Variants in ATP9A observed in about 807,000 individuals in gnomAD.
ATP9A encodes ATPase phospholipid transporting 9A.
ATP9A carries 52 observed loss-of-function variants against 144.1 expected under a neutral mutation model. The ratio of observed to expected loss-of-function variants is 0.36; its 90% CI spans 0.29 to 0.45. The LOEUF (loss-of-function observed/expected upper bound fraction) is 0.45. ATP9A is among the 20% of genes least tolerant of loss of function. The pLI, the probability that ATP9A is intolerant of heterozygous loss-of-function variation, is 1.00. For missense variants in ATP9A, 947 were observed against 1,392.7 expected (o/e 0.68, Z 5.09); for synonymous variants, 582 against 557.4 (o/e 1.04, Z -0.62).
At chr20:51,751,568 T>A (rs1440882161) in intron 1 of ATP9A, among the ~76,000 whole-genome samples, 3 of 151,630 alleles carry the variant, frequency 2.0e-5, no homozygotes, top group African/African-American at 7.3e-5. Context: ...GTTGCTCCTA[T>A]TCCTTTTTGT....
Position 51,601,137 on chromosome 20 carries a change from T to C in ATP9A, c.*74A>G. On this transcript the variant is annotated 3_prime_UTR_variant, in exon 28 of 28. Coordinates refer to ENST00000338821, the MANE Select transcript of ATP9A (RefSeq NM_006045.3). ...TACTGCAAAATCCACAGGTGGCGGTTAATATAAATGGAACTTGAGCTCTGT... is the reference window on the plus strand; with the variant it reads ...TACTGCAAAATCCACAGGTGGCGGTCAATATAAATGGAACTTGAGCTCTGT... 2 of 1,481,570 alleles carry C rather than the reference T, an allele frequency of 1.3e-6. No homozygotes were observed. Among genetic ancestry groups the C allele is most frequent in the South Asian group, 1.4e-5 (1 of 71,846 alleles). The allele number at this position is 1,481,570 out of a possible 1,614,324, so 91.8% of individuals were successfully genotyped here. A position where few individuals can be genotyped will look rare whatever the true frequency, so the allele number is the denominator to read the frequency against.
chr20:51,679,450 GGCACGT>G (rs1327517288), intron 9 of ATP9A, among the ~76,000 whole-genome samples: 10 of 152,126 alleles, frequency 6.6e-5, no homozygotes, highest in African/African-American at 2.4e-4. Context: ...CTCTTAGACA[GGCACGT>G]GCTCTGAGCT....
At chr20:51,663,032 T>C (rs6021358) in intron 13 of ATP9A, among the ~76,000 whole-genome samples, 37,046 of 151,964 alleles carry the variant, frequency 0.24, 4,869 homozygotes, top group Non-Finnish European at 0.28. Context: ...ATCACACCAC[T>C]GCACTCCAGC....
intron 1 of ATP9A, among the ~76,000 whole-genome samples, chr20:51,754,123 C>G (rs76540873): frequency 6.6e-6 from 1 of 152,122 alleles, no homozygotes; most frequent in Admixed American, 6.6e-5. Context: ...CACAGGAGGA[C>G]AGACCACCCT....
At chr20:51,658,506 C>T (rs1441047968) in intron 13 of ATP9A, among the ~76,000 whole-genome samples, 1 of 145,118 alleles carries the variant, frequency 6.9e-6, no homozygotes, top group Non-Finnish European at 1.5e-5. Context: ...TCGGGTGCCA[C>T]CTATGCTTCC....
At chr20:51,668,048 G>GCAGTGTGTA (rs2077439957) in intron 13 of ATP9A, among the ~76,000 whole-genome samples, 2 of 129,928 alleles carry the variant, frequency 1.5e-5, no homozygotes, top group African/African-American at 5.7e-5. Flanking sequence ...CAGCCTGGGT[G>GCAGTGTGTA]ACAGAGTGAG....
intron 14 of ATP9A, among the ~76,000 whole-genome samples, chr20:51,642,554 C>G (rs2077324038): frequency 6.6e-6 from 1 of 151,668 alleles, no homozygotes; most frequent in East Asian, 1.9e-4. Context: ...GGATCAAGGT[C>G]GCTTGATCAC....
At position 51,730,050 on chromosome 20, in the gene ATP9A, C is replaced by T. The variant is rs765492848; in HGVS notation, c.69-72G>A. The T allele has an allele frequency of 2.0e-5, 27 of 1,368,990 alleles. 1 individual carries two copies. The highest frequency in any genetic ancestry group is 4.4e-5 in the African/African-American group (3 of 67,520). The allele number at this position is 1,368,990 out of a possible 1,614,324, so 84.8% of individuals were successfully genotyped here. A position where few individuals can be genotyped will look rare whatever the true frequency, so the allele number is the denominator to read the frequency against. On this transcript the variant is annotated intron_variant, in intron 1 of 27. Coordinates refer to ENST00000338821, the MANE Select transcript of ATP9A (RefSeq NM_006045.3). The stretch of plus-strand genomic sequence containing the variant: ...GCTGTGCTCATGTCTGCCCACTCTT[C>T]GCAGATTGCTTTTCTCTACAGCATC...
At chr20:51,603,721 T>G (rs1305556488) in intron 27 of ATP9A, among the ~76,000 whole-genome samples, 2 of 152,056 alleles carry the variant, frequency 1.3e-5, no homozygotes, top group Non-Finnish European at 2.9e-5. Flanking sequence ...CCACCCCACA[T>G]TAGGATGGTG....
chr20:51,649,508 G>A (rs2077354998), intron 14 of ATP9A, among the ~76,000 whole-genome samples: 1 of 152,232 alleles, frequency 6.6e-6, no homozygotes, highest in African/African-American at 2.4e-5. Flanking sequence ...ACTGCCGTCA[G>A]TACCACTGTT....
chr20:51,719,442 G>A (rs775470640), intron 3 of ATP9A, among the ~76,000 whole-genome samples: 11 of 152,106 alleles, frequency 7.2e-5, no homozygotes, highest in Non-Finnish European at 1.2e-4. Context: ...TTCCTAAAAA[G>A]AAGAAACATG....
At chr20:51,654,897 C>A (rs138641463) in intron 14 of ATP9A, among the ~76,000 whole-genome samples, 111 of 152,276 alleles carry the variant, frequency 7.3e-4, no homozygotes, top group African/African-American at 2.5e-3. Flanking sequence ...GGGAGTAAGT[C>A]ACACACTATA....
Position 51,697,412 on chromosome 20 carries a change from G to C in ATP9A, c.495+12C>G. 1 of 1,612,474 alleles carries C rather than the reference G, an allele frequency of 6.2e-7. No individual in the cohort carries two copies. Among genetic ancestry groups the C allele is most frequent in the Non-Finnish European group, 8.5e-7 (1 of 1,179,174 alleles). ...AGTGGTATCCACACACAAGCTTCCA[G>C]ATTCTGCTCACCTTTTCAACGATGA... On this transcript the variant is annotated intron_variant, in intron 5 of 27. Coordinates refer to ENST00000338821, the MANE Select transcript of ATP9A (RefSeq NM_006045.3).
intron 4 of ATP9A, among the ~76,000 whole-genome samples, chr20:51,704,804 A>C (rs565480420): frequency 1.6e-4 from 25 of 152,318 alleles, no homozygotes; most frequent in African/African-American, 5.3e-4. Context: ...AACAAACAAA[A>C]AAAAAACTTT....
At chr20:51,726,889 C>CTTTTTTTTTTTTTTTTTTTTTTTTTT in intron 2 of ATP9A, among the ~76,000 whole-genome samples, 1 of 93,984 alleles carries the variant, frequency 1.1e-5, no homozygotes, top group Non-Finnish European at 2.0e-5. Context: ...TGTGTTATTT[C>CTTTTTTTTTTTTTTTTTTTTTTTTTT]TTTTTTTTTT....
intron 9 of ATP9A, among the ~76,000 whole-genome samples, chr20:51,679,606 A>T (rs1045296287): frequency 1.3e-5 from 2 of 151,922 alleles, no homozygotes; most frequent in African/African-American, 4.8e-5. Flanking sequence ...CCTTGCTCTC[A>T]AGGTTCTCTT....
intron 13 of ATP9A, among the ~76,000 whole-genome samples, chr20:51,662,810 C>A (rs1468432152): frequency 2.0e-5 from 3 of 152,064 alleles, no homozygotes; most frequent in Non-Finnish European, 4.4e-5. Flanking sequence ...GTGGCTCACA[C>A]CTGTAATCCC....
intron 1 of ATP9A, among the ~76,000 whole-genome samples, chr20:51,730,957 C>T (rs2077738384): frequency 6.6e-6 from 1 of 151,940 alleles, no homozygotes; most frequent in African/African-American, 2.4e-5. Flanking sequence ...TCATTTGGGG[C>T]CAGGAGATTG....
intron 19 of ATP9A, among the ~76,000 whole-genome samples, chr20:51,620,869 C>T (rs1305083788): frequency 6.6e-6 from 1 of 152,062 alleles, no homozygotes; most frequent in Non-Finnish European, 1.5e-5. Flanking sequence ...CACTCTAGGC[C>T]AGGCGCGGTG....
Sources: allele counts gnomAD v4.1 joint callset (sites outside exome capture counted in the v4.1 genomes callset), GRCh38; gene constraint gnomAD v4.1.1; transcripts MANE v1.5; gene names NCBI Gene and HGNC (gene_info 2026-07-23, HGNC 2026-07-21).